Variants in NLGN1 observed in about 807,000 individuals in gnomAD.
NLGN1 encodes neuroligin-1.
A neutral mutation model predicts 65.5 loss-of-function variants in NLGN1; 12 were observed. That is an observed-to-expected ratio of 0.18 (90% confidence interval 0.12 to 0.30). The LOEUF (loss-of-function observed/expected upper bound fraction) is 0.30, where lower values mean the gene tolerates loss of function less well. Ranked by LOEUF, NLGN1 falls within the 10% of genes least tolerant of loss-of-function variation. The probability of loss-of-function intolerance (pLI) is 1.00; values close to 1 mark genes in which losing one functional copy is unlikely to be tolerated. For synonymous variants in NLGN1, 350 were observed against 359.5 expected (o/e 0.97, Z 0.30); for missense variants, 750 against 1,007.1 (o/e 0.74, Z 3.46).
At chr3:173,832,054 C>CT (rs951597197) in intron 4 of NLGN1, among the ~76,000 whole-genome samples, 4 of 151,992 alleles carry the variant, frequency 2.6e-5, no homozygotes, top group Admixed American at 1.3e-4. Flanking sequence ...ACCTCCCAGG[C>CT]TTACGCGATC....
chr3:174,144,181 CT>C lies in NLGN1; in HGVS notation c.647-131133del, dbSNP rs1305140237. On this transcript the variant is annotated intron_variant, in intron 4 of 6. Transcript: ENST00000457714. ...ACATGCAGTGTTTGGTTTTCTGTTC[CT>C]GTGTTAGTTTGCTGAGAATGATGGT... Among the ~76,000 whole-genome samples the C allele has an allele frequency of 2.6e-5, 4 of 152,066 alleles. 1 individual carries two copies. Among genetic ancestry groups the C allele is most frequent in the African/African-American group, 7.2e-5 (3 of 41,410 alleles).
chr3:174,162,495 ATGTT>A (rs1200447107), intron 4 of NLGN1, among the ~76,000 whole-genome samples: 1 of 151,950 alleles, frequency 6.6e-6, no homozygotes, highest in African/African-American at 2.4e-5. Context: ...TAAAATCATT[ATGTT>A]TGTTCTGCTT....
At chr3:174,131,114 A>C (rs1300819005) in intron 4 of NLGN1, among the ~76,000 whole-genome samples, 2 of 152,202 alleles carry the variant, frequency 1.3e-5, no homozygotes, top group African/African-American at 4.8e-5. Context: ...GTCCTAAAGC[A>C]TCATTACACA....
rs181041135 is a variant in NLGN1 at position 173,512,638 on chromosome 3, A to G, written c.-321+77560A>G. On this transcript the variant is annotated intron_variant, in intron 2 of 6. Transcript: ENST00000457714. The stretch of plus-strand genomic sequence containing the variant: ...AAAAGACATTATTCAGAAAGAACCA[A>G]TCGGGAGAGAGTGGACACACAGGGA... 1.0e-3 allele frequency among the ~76,000 whole-genome samples: 155 copies of G among 152,238 alleles called. 2 individuals are homozygous for G. The highest frequency in any genetic ancestry group is 3.4e-3 in the African/African-American group (142 of 41,554).
intron 4 of NLGN1, among the ~76,000 whole-genome samples, chr3:174,151,921 TA>T: frequency 6.6e-6 from 1 of 152,234 alleles, no homozygotes. Context: ...GAAAAAAATA[TA>T]TATACCATGA....
intron 4 of NLGN1, among the ~76,000 whole-genome samples, chr3:174,090,084 T>G (rs919315592): frequency 6.6e-6 from 1 of 152,180 alleles, no homozygotes; most frequent in East Asian, 1.9e-4. Flanking sequence ...TTAAAAAATG[T>G]AATCACTTTT....
At chr3:174,253,912 G>A (rs920774546) in intron 4 of NLGN1, among the ~76,000 whole-genome samples, 1 of 152,142 alleles carries the variant, frequency 6.6e-6, no homozygotes, top group African/African-American at 2.4e-5. Flanking sequence ...GCCTTCACTG[G>A]CTAACACAGC....
intron 4 of NLGN1, among the ~76,000 whole-genome samples, chr3:173,977,879 A>G (rs572314183): frequency 6.6e-6 from 1 of 152,224 alleles, no homozygotes; most frequent in African/African-American, 2.4e-5. Context: ...GGATGAGATC[A>G]CTTCGGGAGA....
At chr3:173,433,039 A>C (rs970200333) in intron 1 of NLGN1, among the ~76,000 whole-genome samples, 1 of 152,210 alleles carries the variant, frequency 6.6e-6, no homozygotes, top group South Asian at 2.1e-4. Context: ...CTAAAATTCT[A>C]ATCAAACACC....
chr3:173,604,767 A>C, exon 3 of NLGN1: 1 of 1,613,752 alleles, frequency 6.2e-7, no homozygotes, highest in Non-Finnish European at 8.5e-7. Context: ...ACTGGTGGCT[A>C]CCAACTTTGG....
chr3:174,086,853 T>C (rs1009256909), intron 4 of NLGN1, among the ~76,000 whole-genome samples: 1 of 152,200 alleles, frequency 6.6e-6, no homozygotes, highest in African/African-American at 2.4e-5. Flanking sequence ...GGCACAGTTA[T>C]TTTATTTTTC....
At chr3:173,425,804 T>G (rs1241434001) in intron 1 of NLGN1, among the ~76,000 whole-genome samples, 1 of 152,224 alleles carries the variant, frequency 6.6e-6, no homozygotes, top group Admixed American at 6.5e-5. Context: ...AGGACTACTT[T>G]GACTATTTGG....
intron 4 of NLGN1, among the ~76,000 whole-genome samples, chr3:174,259,736 A>G (rs922198714): frequency 2.2e-4 from 33 of 151,204 alleles, no homozygotes; most frequent in African/African-American, 8.0e-4. Context: ...CACATTGTGC[A>G]GGTTAGTTAC....
intron 2 of NLGN1, among the ~76,000 whole-genome samples, chr3:173,483,955 A>C (rs1486074817): frequency 6.6e-6 from 1 of 152,060 alleles, no homozygotes; most frequent in Non-Finnish European, 1.5e-5. Flanking sequence ...GCAGTACATG[A>C]GAGTTATCAT....
chr3:174,195,745 A>G (rs1733288823), intron 4 of NLGN1, among the ~76,000 whole-genome samples: 2 of 152,162 alleles, frequency 1.3e-5, no homozygotes, highest in African/African-American at 4.8e-5. Context: ...AGGAAACCTG[A>G]TTCAACTTTT....
chr3:173,574,301 A>C (rs1209823944), intron 2 of NLGN1, among the ~76,000 whole-genome samples: 1 of 151,862 alleles, frequency 6.6e-6, no homozygotes, highest in East Asian at 1.9e-4. Context: ...TTGATAACTA[A>C]AGTATAGTTG....
At chr3:173,953,749 G>T (rs1280841538) in intron 4 of NLGN1, among the ~76,000 whole-genome samples, 1 of 151,960 alleles carries the variant, frequency 6.6e-6, no homozygotes, top group Non-Finnish European at 1.5e-5. Context: ...TCAATATGTT[G>T]TCCAGGCTGG....
At chr3:173,923,017 A>G (rs193084501) in intron 4 of NLGN1, among the ~76,000 whole-genome samples, 1 of 152,224 alleles carries the variant, frequency 6.6e-6, no homozygotes, top group East Asian at 1.9e-4. Flanking sequence ...TATTATCATC[A>G]TCGTCATTAT....
intron 3 of NLGN1, among the ~76,000 whole-genome samples, chr3:173,617,668 C>T (rs569372010): frequency 3.3e-5 from 5 of 152,288 alleles, no homozygotes; most frequent in South Asian, 2.1e-4. Context: ...CACGGGCCCT[C>T]GAGGCCAAGT....
Sources: allele counts gnomAD v4.1 joint callset (sites outside exome capture counted in the v4.1 genomes callset), GRCh38; gene constraint gnomAD v4.1.1; transcripts MANE v1.5; gene names NCBI Gene and HGNC (gene_info 2026-07-23, HGNC 2026-07-21).